The following NARS1 variants were observed in gnomAD, a reference collection of about 807,000 sequenced individuals.
NARS1 encodes the protein asparaginyl-tRNA synthetase 1.
A neutral mutation model predicts 79.2 loss-of-function variants in NARS1; 65 were observed. The observed-to-expected ratio is 0.82, with a 90% CI of 0.67 to 1.01. NARS1 has a LOEUF of 1.01. Ranked by LOEUF, NARS1 falls within the 50% of genes least tolerant of loss-of-function variation. NARS1 has a pLI of 0.00. For synonymous variants in NARS1, 229 were observed against 238.8 expected, an observed-to-expected ratio of 0.96 and a Z score of 0.38; for missense variants, 649 against 673.8, an observed-to-expected ratio of 0.96 and a Z score of 0.41.
chr18:57,613,489 T>C (rs1368305937), intron 5 of NARS1, 113 bp downstream of exon 5: 1 of 887,836 alleles, frequency 1.1e-6, no homozygotes, highest in East Asian at 2.6e-5. Flanking sequence ...TGAGACTGTG[T>C]CTAAGAAAAA....
chr18:57,620,927 G>A (rs1908273804), intron 1 of NARS1, among the ~76,000 whole-genome samples: 1 of 152,096 alleles, frequency 6.6e-6, no homozygotes, highest in African/African-American at 2.4e-5. Context: ...ATAAAATATG[G>A]GCTTTGAAGT....
intron 6 of NARS1, among the ~76,000 whole-genome samples, chr18:57,610,364 C>T (rs564261650): frequency 1.3e-5 from 2 of 152,236 alleles, no homozygotes; most frequent in Non-Finnish European, 2.9e-5. Flanking sequence ...CCCAGCTACT[C>T]GGGAGGCTGA....
chr18:57,602,738 T>C (rs1181866706), intron 12 of NARS1, 74 bp downstream of exon 12: 5 of 1,516,134 alleles, frequency 3.3e-6, no homozygotes, highest in Non-Finnish European at 4.5e-6. Context: ...GCATGAGCTG[T>C]ACCTGATTCC....
chr18:57,603,643 G>A (rs548425021), intron 11 of NARS1, among the ~76,000 whole-genome samples: 1 of 152,236 alleles, frequency 6.6e-6, no homozygotes, highest in Admixed American at 6.5e-5. Context: ...GACAACTCTC[G>A]TCCCAGTAAA....
At chr18:57,606,219 G>C (rs2122427281) in intron 10 of NARS1, among the ~76,000 whole-genome samples, 1 of 151,570 alleles carries the variant, frequency 6.6e-6, no homozygotes, top group South Asian at 2.1e-4. Context: ...GGTGGTGGTG[G>C]GCTCCTGTAG....
chr18:57,617,070 T>C (rs1908076122), intron 2 of NARS1, among the ~76,000 whole-genome samples: 1 of 152,044 alleles, frequency 6.6e-6, no homozygotes, highest in African/African-American at 2.4e-5. Flanking sequence ...TGCTGTGTTA[T>C]ATATCATTTG....
chr18:57,621,248 C>G (rs1445683812), intron 1 of NARS1, among the ~76,000 whole-genome samples: 1 of 150,554 alleles, frequency 6.6e-6, no homozygotes, highest in East Asian at 1.9e-4. Context: ...CCATCCAGGT[C>G]TCTCTCTTTT....
Position 57,602,499 on chromosome 18 carries a change from G to A in NARS1, c.1384-13C>T. 6.2e-7 allele frequency: 1 copy of A among 1,613,336 alleles called. No homozygotes were observed. Among genetic ancestry groups the A allele is most frequent in the Non-Finnish European group, 8.5e-7 (1 of 1,179,502 alleles). On this transcript the variant is annotated splice_polypyrimidine_tract_variant and intron_variant, in intron 12 of 13. Coordinates refer to ENST00000256854, the MANE Select transcript of NARS1 (RefSeq NM_004539.4). ...TCAACACGTCGACCTTTAAATATAA[G>A]TGAAAGAAGATACACAATTACTATC... is the stretch of plus-strand genomic sequence containing the variant.
intron 5 of NARS1, among the ~76,000 whole-genome samples, chr18:57,612,910 T>A (rs1363983203): frequency 6.6e-6 from 1 of 152,204 alleles, no homozygotes; most frequent in Non-Finnish European, 1.5e-5. Flanking sequence ...AGTTTCAGAC[T>A]CAGATGTCAA....
Position 57,602,731 on chromosome 18 carries a change from T to A in NARS1, c.1383+81A>T, listed in dbSNP as rs1264330250. 9 of 1,473,370 alleles carry A rather than the reference T, an allele frequency of 6.1e-6. No homozygotes were observed. The Admixed American group carries it at 1.8e-4, about 30-fold the overall frequency. 91.3% of individuals were successfully genotyped at this position (1,473,370 alleles called of 1,614,324 possible). On this transcript the variant is annotated intron_variant, in intron 12 of 13. Coordinates refer to ENST00000256854, the MANE Select transcript of NARS1 (RefSeq NM_004539.4). ...TAGATAGAGAATGAAATATTTGGCA[T>A]GAGCTGTACCTGATTCCAGATGACA... is the stretch of plus-strand genomic sequence containing the variant.
chr18:57,615,700 G>T lies in NARS1; in HGVS notation c.283C>A (p.Leu95Met). 6.2e-7 allele frequency: 1 copy of T among 1,612,952 alleles called. No individual in the cohort carries two copies. The highest frequency in any genetic ancestry group is 8.5e-7 in the Non-Finnish European group (1 of 1,179,632). Residue 95 changes from leucine to methionine, a missense_variant, in exon 4 of 14, where the codon CTG (leucine) becomes ATG (methionine). Coordinates refer to ENST00000256854, the MANE Select transcript of NARS1 (RefSeq NM_004539.4). ...AEDSLRREKN[L>M]EEAKKITIKN... ...ATGGTAATCTTCTTTGCTTCTTCCA[G>T]GTTCTTTTCTCTTCGTAAACTATCT...
In NARS1 at chr18:57,613,589, C is replaced by G; in HGVS notation, c.421+13G>C. On this transcript the variant is annotated intron_variant, in intron 5 of 13. Transcript: ENST00000256854. ...TTTAAACATTAAAAAGAAGGAAAAG[C>G]TTTGCCATTTACCTTGCCTGCGCAG... 6.2e-7 allele frequency: 1 copy of G among 1,604,472 alleles called. No individual in the cohort carries two copies.
At chr18:57,605,145 A>ATC (rs34673156) in intron 11 of NARS1, among the ~76,000 whole-genome samples, 66,592 of 139,970 alleles carry the variant, frequency 0.48, 16,639 homozygotes, top group Admixed American at 0.55. Flanking sequence ...ATATATATAT[A>ATC]TATATATATC....
chr18:57,609,295 A>G lies in NARS1; in HGVS notation c.579+62T>C, dbSNP rs1302876251. 2.3e-6 allele frequency: 3 copies of G among 1,328,236 alleles called. No homozygotes were observed. In the African/African-American group the frequency reaches 4.3e-5, roughly 19 times the overall value. The allele number at this position is 1,328,236 out of a possible 1,614,324, so 82.3% of individuals were successfully genotyped here. ...ATATGCCAAATGTACAAACAAAGAC[A>G]CTGGAAAACAAACCAATAAATAAAC... is the stretch of plus-strand genomic sequence containing the variant. On this transcript the variant is annotated intron_variant, in intron 7 of 13. Transcript: ENST00000256854.
intron 11 of NARS1, among the ~76,000 whole-genome samples, chr18:57,604,246 T>C (rs552560899): frequency 2.0e-5 from 3 of 152,326 alleles, no homozygotes; most frequent in Admixed American, 1.3e-4. Context: ...ATTTTGTCAT[T>C]ATACATCATA....
At chr18:57,617,858 T>C (rs1268195905) in intron 2 of NARS1, among the ~76,000 whole-genome samples, 1 of 147,864 alleles carries the variant, frequency 6.8e-6, no homozygotes, top group African/African-American at 2.5e-5. Flanking sequence ...GAGGTTGCAG[T>C]GAGCTGAGAT....
At chr18:57,612,714 G>A (rs369284104) in intron 5 of NARS1, among the ~76,000 whole-genome samples, 6 of 152,338 alleles carry the variant, frequency 3.9e-5, no homozygotes, top group African/African-American at 1.2e-4. Flanking sequence ...GGGATTATAG[G>A]CGTGAGCCAC....
At chr18:57,618,289 C>CAA (rs34320460) in intron 2 of NARS1, among the ~76,000 whole-genome samples, 1,229 of 122,648 alleles carry the variant, frequency 0.01, 16 homozygotes, top group African/African-American at 0.022. Flanking sequence ...AACTCTGTCT[C>CAA]AAAAAAAAAA....
chr18:57,615,033 T>G (rs915271997), intron 4 of NARS1, among the ~76,000 whole-genome samples: 4 of 151,866 alleles, frequency 2.6e-5, no homozygotes, highest in African/African-American at 7.3e-5. Context: ...AAATAAAAGT[T>G]AGCCAGGTGT....
Sources: gnomAD v4.1 joint callset for allele counts (sites outside exome capture counted in the v4.1 genomes callset) on GRCh38, gnomAD v4.1.1 for gene constraint, MANE v1.5 for transcripts, NCBI Gene and HGNC (gene_info 2026-07-23, HGNC 2026-07-21) for gene names.